Variants in SEC61A1 observed in about 807,000 individuals in gnomAD.
SEC61A1 encodes protein transport protein Sec61 subunit alpha isoform 1.
SEC61A1 carries 15 observed loss-of-function variants against 55.2 expected under a neutral mutation model. The observed-to-expected ratio is 0.27, with a 90% CI of 0.18 to 0.42. SEC61A1 has a LOEUF of 0.42. SEC61A1 is among the 10% of genes least tolerant of loss of function. The pLI, the probability that SEC61A1 is intolerant of heterozygous loss-of-function variation, is 1.00. For missense variants in SEC61A1, 284 were observed against 602.6 expected (o/e 0.47, Z 5.53); for synonymous variants, 247 against 234.0 (o/e 1.06, Z -0.51).
chr3:128,064,660 CA>C, intron 7 of SEC61A1: 1 of 541,624 alleles, frequency 1.8e-6, no homozygotes, highest in Non-Finnish European at 3.2e-6. Flanking sequence ...TAAAAAAAAT[CA>C]AAAACAAACC....
chr3:128,061,705 C>T (rs185971857), intron 7 of SEC61A1, among the ~76,000 whole-genome samples: 1 of 152,210 alleles, frequency 6.6e-6, no homozygotes, highest in East Asian at 1.9e-4. Context: ...TTTAGGAAAT[C>T]CAAGGTAAAT....
chr3:128,061,121 A>C (rs900874020), intron 7 of SEC61A1, among the ~76,000 whole-genome samples: 1 of 152,248 alleles, frequency 6.6e-6, no homozygotes, highest in Non-Finnish European at 1.5e-5. Context: ...CAGCTTTCTG[A>C]AAAAGGCCTG....
intron 8 of SEC61A1, among the ~76,000 whole-genome samples, chr3:128,066,162 A>G (rs887259749): frequency 6.6e-6 from 1 of 152,110 alleles, no homozygotes; most frequent in African/African-American, 2.4e-5. Context: ...ATTCCTAGAA[A>G]AGTTTAGCTT....
intron 5 of SEC61A1, among the ~76,000 whole-genome samples, chr3:128,059,468 C>CAA (rs796958852): frequency 1.5e-4 from 15 of 99,650 alleles, no homozygotes; most frequent in African/African-American, 4.8e-4. Flanking sequence ...GACTCCGTCT[C>CAA]AAAAAAAAAA....
intron 7 of SEC61A1, among the ~76,000 whole-genome samples, chr3:128,062,903 T>C (rs1264738752): frequency 6.6e-6 from 1 of 152,154 alleles, no homozygotes; most frequent in Non-Finnish European, 1.5e-5. Flanking sequence ...CGAAACTCAA[T>C]GTCAGGCACT....
Position 128,068,045 on chromosome 3 carries a change from C to T in SEC61A1, c.1230C>T (p.Val410=), listed in dbSNP as rs1169721063. 1 of 1,613,848 alleles carries T rather than the reference C, an allele frequency of 6.2e-7. No homozygotes were observed. Among genetic ancestry groups the T allele is most frequent in the Non-Finnish European group, 8.5e-7 (1 of 1,179,924 alleles). The part of the protein sequence containing the change: ...VMRGHRETSM[V]HELNRYIPTA... ...GAGGCCACCGAGAGACCTCCATGGT[C>T]CATGAACTCAACCGGTGAGTGGTGG... Residue 410 remains valine, a synonymous_variant, in exon 11 of 12, where the codon GTC becomes GTT. Coordinates refer to ENST00000243253, the MANE Select transcript of SEC61A1 (RefSeq NM_013336.4).
At chr3:128,059,609 C>A (rs1006479973) in intron 5 of SEC61A1, among the ~76,000 whole-genome samples, 7 of 152,128 alleles carry the variant, frequency 4.6e-5, no homozygotes, top group African/African-American at 7.2e-5. Flanking sequence ...GATCACTTTA[C>A]CCCAGAGCTA....
rs776695240 is a variant in SEC61A1 at position 128,067,745 on chromosome 3, A to G, written c.1167+133A>G. Reference sequence around the variant, plus strand: ...ATCGTCGTCCTTTAGGGGGCAGTTCAGAAGCTTTAAGGGCTGACAGATGGA... The same window carrying G: ...ATCGTCGTCCTTTAGGGGGCAGTTCGGAAGCTTTAAGGGCTGACAGATGGA... On this transcript the variant is annotated intron_variant, in intron 10 of 11. Transcript: ENST00000243253. This position sits in a 1 kb window ranked among gnomAD's most constrained non-coding sequence, Gnocchi z 4.1. 2.2e-4 allele frequency: 163 copies of G among 741,714 alleles called. No individual in the cohort carries two copies. Among genetic ancestry groups the G allele is most frequent in the Non-Finnish European group, 3.2e-4 (147 of 454,888 alleles). 45.9% of individuals were successfully genotyped at this position (741,714 alleles called of 1,614,324 possible). A position where few individuals can be genotyped will look rare whatever the true frequency, so the allele number is the denominator to read the frequency against.
intron 2 of SEC61A1, among the ~76,000 whole-genome samples, chr3:128,054,619 G>A (rs184509684): frequency 1.1e-5 from 1 of 94,182 alleles, no homozygotes; most frequent in African/African-American, 4.2e-5. Flanking sequence ...TGCCTGCCTA[G>A]AAGTGTTTTT....
intron 7 of SEC61A1, among the ~76,000 whole-genome samples, chr3:128,063,722 C>T (rs1225324240): frequency 6.6e-6 from 1 of 152,188 alleles, no homozygotes; most frequent in East Asian, 1.9e-4. Flanking sequence ...GGAAGTAATG[C>T]CAGCTTCCTG....
chr3:128,060,262 C>A, intron 6 of SEC61A1, 51 bp downstream of exon 6: 2 of 1,308,030 alleles, frequency 1.5e-6, no homozygotes, highest in Non-Finnish European at 2.2e-6. Context: ...CACTTACCTA[C>A]AATTCTCACA....
Position 128,070,646 on chromosome 3 carries a change from C to T in SEC61A1, c.*984C>T, listed in dbSNP as rs1364958193. On this transcript the variant is annotated 3_prime_UTR_variant, in exon 12 of 12. Transcript: ENST00000243253. Reference sequence around the variant, plus strand: ...GGACTGCACGCAAGTGAGCAGACACCACCGACTTCCTTTCTGCGTCACCAG... The same window carrying T: ...GGACTGCACGCAAGTGAGCAGACACTACCGACTTCCTTTCTGCGTCACCAG... 2 of 152,276 alleles carry T rather than the reference C, an allele frequency of 1.3e-5. No homozygotes were observed. Among genetic ancestry groups the T allele is most frequent in the Admixed American group, 6.5e-5 (1 of 15,272 alleles). 9.4% of individuals were successfully genotyped at this position (152,276 alleles called of 1,614,324 possible).
chr3:128,060,136 C>A lies in SEC61A1; in HGVS notation c.387C>A (p.Ile129=). Residue 129 remains isoleucine, a synonymous_variant, in exon 6 of 12, where the codon ATC becomes ATA. Coordinates refer to ENST00000243253, the MANE Select transcript of SEC61A1 (RefSeq NM_013336.4). ...FGMIITIGQS[I]VYVMTGMYGD... is the part of the protein sequence containing the mutation. ...TGATCATTACTATCGGCCAGTCTAT[C>A]GTGTATGTGATGACCGGGATGTATG... The A allele has an allele frequency of 4.3e-6, 7 of 1,613,928 alleles. No individual in the cohort carries two copies. Among genetic ancestry groups the A allele is most frequent in the Non-Finnish European group, 5.9e-6 (7 of 1,179,848 alleles).
chr3:128,066,814 C>T, intron 8 of SEC61A1, 140 bp from the exon 9 acceptor site: 1 of 731,968 alleles, frequency 1.4e-6, no homozygotes. Flanking sequence ...GGCACAAGCT[C>T]TCGGAACTGG....
At chr3:128,064,376 C>A (rs1941898964) in intron 7 of SEC61A1, among the ~76,000 whole-genome samples, 1 of 152,150 alleles carries the variant, frequency 6.6e-6, no homozygotes, top group African/African-American at 2.4e-5. Context: ...TGCTGTGGCT[C>A]ACACCTGTAA....
Position 128,067,180 on chromosome 3 carries a change from C to T in SEC61A1, c.975+29C>T. ...AGTAGGCTCTTTGAAGATGAGCTAG[C>T]AATGCAGCTAAGTTGCAGTGGTTTC... On this transcript the variant is annotated intron_variant, in intron 9 of 11. Transcript: ENST00000243253. The surrounding 1 kb of genome is among the most constrained non-coding windows in gnomAD (Gnocchi z 4.1). 6.3e-7 allele frequency: 1 copy of T among 1,592,648 alleles called. No individual in the cohort carries two copies. Among genetic ancestry groups the T allele is most frequent in the South Asian group, 1.1e-5 (1 of 90,632 alleles).
chr3:128,053,456 G>A (rs761676710), intron 2 of SEC61A1, among the ~76,000 whole-genome samples: 50 of 152,218 alleles, frequency 3.3e-4, no homozygotes, highest in Non-Finnish European at 6.2e-4. Flanking sequence ...ATTTAGAGCT[G>A]TGCTGAATCA....
chr3:128,061,869 C>A lies in SEC61A1; in HGVS notation c.616+1208C>A, dbSNP rs941026185. Among the ~76,000 whole-genome samples, 6 of 152,114 alleles carry A rather than the reference C, an allele frequency of 3.9e-5. No homozygotes were observed. The East Asian group carries it at 5.8e-4, about 15-fold the overall frequency. The stretch of plus-strand genomic sequence containing the variant: ...GAAGGAAGTAAAGTCAGAGGGGAGC[C>A]CCTGGTGGCTTAGCAGCCCAGTAGT... On this transcript the variant is annotated intron_variant, in intron 7 of 11. Transcript: ENST00000243253.
intron 3 of SEC61A1, 25 bp downstream of exon 3, chr3:128,055,606 T>A (rs367996296): frequency 1.2e-6 from 2 of 1,610,846 alleles, no homozygotes; most frequent in East Asian, 4.5e-5. Flanking sequence ...GTATTTCGTA[T>A]TGGGGAGGGG....
Sources: gnomAD v4.1 joint callset for allele counts (sites outside exome capture counted in the v4.1 genomes callset) on GRCh38, gnomAD v4.1.1 for gene constraint, Gnocchi (gnomAD v3.1) non-coding constraint, MANE v1.5 for transcripts, NCBI Gene and HGNC (gene_info 2026-07-23, HGNC 2026-07-21) for gene names.